Variants in RGS5 observed in about 807,000 individuals in gnomAD.
RGS5 encodes regulator of G-protein signalling 5.
RGS5 carries 20 observed loss-of-function variants against 18.9 expected under a neutral mutation model. The ratio of observed to expected loss-of-function variants is 1.06; its 90% CI spans 0.74 to 1.54. RGS5 has a LOEUF of 1.54. RGS5 is among the 40% of genes most tolerant of loss of function. The probability of loss-of-function intolerance (pLI) is 0.00; values close to 1 mark genes in which losing one functional copy is unlikely to be tolerated. For missense variants in RGS5, 201 were observed against 211.8 expected (o/e 0.95, Z 0.32); for synonymous variants, 57 against 76.2 (o/e 0.75, Z 1.31).
chr1:163,166,520 C>T (rs558690394), intron 2 of RGS5, among the ~76,000 whole-genome samples: 2 of 152,198 alleles, frequency 1.3e-5, no homozygotes, highest in East Asian at 3.9e-4. Flanking sequence ...CACAGTATTT[C>T]CTGTCAGATA....
At chr1:163,274,393 G>C (rs547982231) in intron 2 of RGS5, among the ~76,000 whole-genome samples, 3 of 136,948 alleles carry the variant, frequency 2.2e-5, no homozygotes, top group Non-Finnish European at 5.2e-5. Context: ...ACGCCAAAAG[G>C]GTAGCAGACC....
intron 1 of RGS5, 127 bp downstream of exon 1, chr1:163,202,665 C>T (rs1170240615): frequency 7.1e-6 from 5 of 699,494 alleles, no homozygotes; most frequent in Non-Finnish European, 1.2e-5. Flanking sequence ...ACCCAATCTA[C>T]AGTCAAGCAC....
At chr1:163,209,857 A>G (rs1660059379) in intron 1 of RGS5, among the ~76,000 whole-genome samples, 2 of 152,152 alleles carry the variant, frequency 1.3e-5, no homozygotes, top group Admixed American at 1.3e-4. Context: ...GTTATCTAAT[A>G]TCTATAGTAC....
intron 1 of RGS5, among the ~76,000 whole-genome samples, chr1:163,311,880 T>C (rs900021787): frequency 6.6e-6 from 1 of 152,240 alleles, no homozygotes; most frequent in Non-Finnish European, 1.5e-5. Flanking sequence ...ACTTGCTCAA[T>C]GTGGGGTTGC....
chr1:163,293,726 C>T (rs548369988), intron 2 of RGS5, among the ~76,000 whole-genome samples: 55 of 152,258 alleles, frequency 3.6e-4, no homozygotes, highest in Non-Finnish European at 6.0e-4. Flanking sequence ...AAGGGAAGTC[C>T]CTTCCAACTA....
chr1:163,240,814 G>A (rs554978198), intron 2 of RGS5, among the ~76,000 whole-genome samples: 1 of 152,288 alleles, frequency 6.6e-6, no homozygotes, highest in African/African-American at 2.4e-5. Flanking sequence ...ACTGCACCAG[G>A]CCAAAATAGA....
chr1:163,216,869 C>T (rs372769164), intron 1 of RGS5, among the ~76,000 whole-genome samples: 4 of 152,178 alleles, frequency 2.6e-5, no homozygotes, highest in East Asian at 3.9e-4. Context: ...TTCACAGCGA[C>T]CTCGCCAACT....
chr1:163,236,370 A>G (rs1647621418), intron 2 of RGS5, among the ~76,000 whole-genome samples: 1 of 145,306 alleles, frequency 6.9e-6, no homozygotes, highest in Non-Finnish European at 1.6e-5. Context: ...GGTGTTTCTG[A>G]GTGAATTAGA....
At chr1:163,235,859 T>C (rs1268472575) in intron 2 of RGS5, among the ~76,000 whole-genome samples, 1 of 152,248 alleles carries the variant, frequency 6.6e-6, no homozygotes, top group Non-Finnish European at 1.5e-5. Context: ...ATTCATTTTT[T>C]GGGCAGGTTT....
intron 2 of RGS5, among the ~76,000 whole-genome samples, chr1:163,273,799 G>A (rs1487655008): frequency 6.6e-6 from 1 of 151,970 alleles, no homozygotes; most frequent in Non-Finnish European, 1.5e-5. Flanking sequence ...CAGTATCTTG[G>A]GATCTTTATT....
intron 2 of RGS5, among the ~76,000 whole-genome samples, chr1:163,250,252 A>G (rs1327099979): frequency 6.6e-6 from 1 of 152,242 alleles, no homozygotes; most frequent in African/African-American, 2.4e-5. Flanking sequence ...AGCAGATTTA[A>G]TCTTTTGGAA....
intron 2 of RGS5, among the ~76,000 whole-genome samples, chr1:163,227,121 C>T (rs530931957): frequency 2.0e-5 from 3 of 152,330 alleles, no homozygotes; most frequent in African/African-American, 4.8e-5. Flanking sequence ...TCTTAATACA[C>T]TCATCAGAGT....
intron 2 of RGS5, among the ~76,000 whole-genome samples, chr1:163,165,580 G>C (rs1279578850): frequency 6.6e-6 from 1 of 152,132 alleles, no homozygotes; most frequent in East Asian, 1.9e-4. Context: ...TGGGGAATGC[G>C]GGACTAGAAG....
chr1:163,306,046 A>G (rs1180984734), intron 2 of RGS5, among the ~76,000 whole-genome samples: 1 of 152,150 alleles, frequency 6.6e-6, no homozygotes, highest in Non-Finnish European at 1.5e-5. Flanking sequence ...CACCATTAGA[A>G]AACTATCATG....
rs1657128263 is a variant in RGS5 at position 163,146,356 on chromosome 1, G to A, written c.*986C>T. 1 of 150,296 alleles carries A rather than the reference G, an allele frequency of 6.7e-6. No individual in the cohort carries two copies. The highest frequency in any genetic ancestry group is 2.1e-4 in the South Asian group (1 of 4,742). 9.3% of individuals were successfully genotyped at this position (150,296 alleles called of 1,614,324 possible). ...ACAATTTGGTGTTTTGAAGATAAAT[G>A]TCATTAGTCTATGATAATAGCATCA... On this transcript the variant is annotated 3_prime_UTR_variant, in exon 5 of 5. Coordinates refer to ENST00000313961, the MANE Select transcript of RGS5 (RefSeq NM_003617.4).
At chr1:163,188,042 T>C (rs965158525) in intron 1 of RGS5, among the ~76,000 whole-genome samples, 1 of 151,982 alleles carries the variant, frequency 6.6e-6, no homozygotes, top group African/African-American at 2.4e-5. Flanking sequence ...TTCTTGATGA[T>C]TGTTGTGGTG....
intron 2 of RGS5, among the ~76,000 whole-genome samples, chr1:163,164,391 T>C (rs1657953212): frequency 6.6e-6 from 1 of 152,162 alleles, no homozygotes; most frequent in Admixed American, 6.5e-5. Flanking sequence ...TTTATAGAGA[T>C]GATTAACCAC....
At chr1:163,228,045 T>G (rs1160729270) in intron 2 of RGS5, among the ~76,000 whole-genome samples, 3 of 152,332 alleles carry the variant, frequency 2.0e-5, no homozygotes, top group Non-Finnish European at 4.4e-5. Context: ...ATTGAATGCC[T>G]GCAGCTTTTC....
chr1:163,145,000 TATATAG>T lies in RGS5; in HGVS notation c.*2336_*2341del, dbSNP rs1184826507. 1.3e-5 allele frequency: 2 copies of T among 152,214 alleles called. No individual in the cohort carries two copies. The highest frequency in any genetic ancestry group is 2.9e-5 in the Non-Finnish European group (2 of 68,024). The allele number at this position is 152,214 out of a possible 1,614,324, so 9.4% of individuals were successfully genotyped here. A position where few individuals can be genotyped will look rare whatever the true frequency, so the allele number is the denominator to read the frequency against. On this transcript the variant is annotated 3_prime_UTR_variant, in exon 5 of 5. Coordinates refer to ENST00000313961, the MANE Select transcript of RGS5 (RefSeq NM_003617.4). ...ATATAGATAGATAGATATATGTAGA[TATATAG>T]ATATAATGTCACAATATCACTATAA...
Sources: gnomAD v4.1 joint callset for allele counts (sites outside exome capture counted in the v4.1 genomes callset) on GRCh38, gnomAD v4.1.1 for gene constraint, MANE v1.5 for transcripts, NCBI Gene and HGNC (gene_info 2026-07-23, HGNC 2026-07-21) for gene names.